FANCB: variants seen among roughly 807,000 people sequenced by gnomAD.
The protein encoded by FANCB is FA complementation group B, also known as Fanconi anemia group B protein.
A neutral mutation model predicts 38.9 loss-of-function variants in FANCB; 5 were observed. The observed-to-expected ratio is 0.13, with a 90% confidence interval of 0.07 to 0.27. FANCB has a LOEUF of 0.27. Among genes scored for constraint, FANCB ranks in the 10% least tolerant of loss-of-function variants. The pLI is 1.00. For synonymous variants in FANCB, 236 were observed against 215.4 expected (o/e 1.10, Z -0.84); for missense variants, 573 against 602.7 (o/e 0.95, Z 0.52).
the FANCB span, among the ~76,000 whole-genome samples, chrX:14,776,720 C>CA: frequency 1.8e-5 from 2 of 112,267 alleles, no homozygotes; most frequent in Non-Finnish European, 3.8e-5. Context: ...ACCACTTAAC[C>CA]AAAATAGTAA....
At chrX:14,847,790 C>A (rs1299770881) in intron 7 of FANCB, among the ~76,000 whole-genome samples, 1 of 109,830 alleles carries the variant, frequency 9.1e-6, no homozygotes, top group Non-Finnish European at 1.9e-5. Flanking sequence ...TGAAGATCAA[C>A]AAAAAATTTA....
chrX:14,866,850 C>T (rs766990183), intron 2 of FANCB, among the ~76,000 whole-genome samples: 1 of 111,257 alleles, frequency 9.0e-6, no homozygotes, highest in South Asian at 3.7e-4. Context: ...AAAGACTCCA[C>T]CAAAAAACTG....
chrX:14,731,640 C>T, the FANCB span: 1 of 111,023 alleles, frequency 9.0e-6, no homozygotes, highest in Non-Finnish European at 1.9e-5. Context: ...ACCAGAGCTA[C>T]GTGGTTTGAA....
At chrX:14,768,733 T>G in the FANCB span, among the ~76,000 whole-genome samples, 3 of 111,736 alleles carry the variant, frequency 2.7e-5, no homozygotes, top group Non-Finnish European at 5.6e-5. Flanking sequence ...ATCCTTGTTT[T>G]GTGCCGGTTC....
chrX:14,723,440 G>A, the FANCB span, among the ~76,000 whole-genome samples: 3 of 111,789 alleles, frequency 2.7e-5, no homozygotes, highest in East Asian at 8.4e-4. Context: ...TAACTTCTTG[G>A]ATTCACTTTT....
chrX:14,694,722 G>C, the FANCB span, among the ~76,000 whole-genome samples: 1 of 112,613 alleles, frequency 8.9e-6, no homozygotes, highest in South Asian at 3.6e-4. Flanking sequence ...GCCAGGCACT[G>C]TGTAAATCCT....
At chrX:14,871,776 A>G (rs2092498655) in intron 1 of FANCB, among the ~76,000 whole-genome samples, 1 of 111,161 alleles carries the variant, frequency 9.0e-6, no homozygotes, top group Non-Finnish European at 1.9e-5. Context: ...TTTACCTACA[A>G]TGACTACAGT....
At chrX:14,734,267 G>A in the FANCB span, among the ~76,000 whole-genome samples, 1 of 112,022 alleles carries the variant, frequency 8.9e-6, no homozygotes, top group Non-Finnish European at 1.9e-5. Flanking sequence ...GCCTATGTTA[G>A]AGAAACAAAA....
the FANCB span, among the ~76,000 whole-genome samples, chrX:14,788,582 CG>C: frequency 7.1e-5 from 8 of 112,093 alleles, no homozygotes. Flanking sequence ...GAGCCTAACA[CG>C]GCATCAGCTG....
the FANCB span, among the ~76,000 whole-genome samples, chrX:14,828,307 A>AT: frequency 5.4e-5 from 6 of 111,956 alleles, no homozygotes; most frequent in African/African-American, 1.6e-4. Context: ...TGCTTTCAGG[A>AT]AAGATTTCTC....
chrX:14,814,966 T>A, the FANCB span, among the ~76,000 whole-genome samples: 1 of 112,161 alleles, frequency 8.9e-6, no homozygotes, highest in Non-Finnish European at 1.9e-5. Flanking sequence ...GTGGCACATA[T>A]ATACTATGGA....
At chrX:14,732,478 GAATT>G in the FANCB span, among the ~76,000 whole-genome samples, 1 of 112,042 alleles carries the variant, frequency 8.9e-6, no homozygotes, top group Admixed American at 9.5e-5. Flanking sequence ...CACAATGGTT[GAATT>G]AATTTACACT....
chrX:14,796,431 A>AT, the FANCB span, among the ~76,000 whole-genome samples: 2 of 96,795 alleles, frequency 2.1e-5, no homozygotes, highest in Non-Finnish European at 4.1e-5. Context: ...GGTTTTATAT[A>AT]TTTTTTCCTA....
At chrX:14,731,628 G>A in the FANCB span, 6 of 110,885 alleles carry the variant, frequency 5.4e-5, no homozygotes, top group African/African-American at 2.0e-4. Context: ...TGCCTTTTTG[G>A]TACCAGAGCT....
chrX:14,857,928 A>C lies in FANCB; in HGVS notation c.1131T>G (p.Asp377Glu), dbSNP rs148882589. The C allele has an allele frequency of 4.3e-6, 5 of 1,167,332 alleles. No homozygotes were observed. In the African/African-American group the frequency reaches 7.1e-5, roughly 17 times the overall value. Residue 377 changes from aspartate (D) to glutamate (E), a missense_variant, in exon 5 of 10, where the codon GAT becomes GAG. By Grantham distance (45) the Asp-to-Glu change is conservative. Coordinates refer to ENST00000650831, the MANE Select transcript of FANCB (RefSeq NM_001018113.3). ...YSSEPSDCNEDDLFEDKQENR... is the reference protein window; with the variant it reads ...YSSEPSDCNEEDLFEDKQENR... ...TCTCTTGTTTGTCTTCAAATAAGTCATCTTCATTGCAATCTGATGGTTCAC... is the reference window on the plus strand; with the variant it reads ...TCTCTTGTTTGTCTTCAAATAAGTCCTCTTCATTGCAATCTGATGGTTCAC...
chrX:14,738,657 A>G, the FANCB span, among the ~76,000 whole-genome samples: 2 of 111,924 alleles, frequency 1.8e-5, no homozygotes, highest in Non-Finnish European at 3.8e-5. Context: ...TTCAATTCCT[A>G]CCACTTGGTT....
intron 5 of FANCB, among the ~76,000 whole-genome samples, chrX:14,854,872 G>A (rs1955147623): frequency 9.0e-6 from 1 of 111,290 alleles, no homozygotes; most frequent in Admixed American, 9.5e-5. Flanking sequence ...TAATTTCCTT[G>A]CCTGTCTTCA....
At chrX:14,730,502 C>G in the FANCB span, 5 of 1,130,154 alleles carry the variant, frequency 4.4e-6, no homozygotes, top group Admixed American at 2.3e-5. Context: ...CCTACAGACC[C>G]TGGGACCTTC....
chrX:14,772,133 T>C, the FANCB span, among the ~76,000 whole-genome samples: 1 of 111,308 alleles, frequency 9.0e-6, no homozygotes, highest in East Asian at 2.8e-4. Flanking sequence ...ATGTGCTGTG[T>C]TGGGGGCTGG....
Sources: allele counts gnomAD v4.1 joint callset (sites outside exome capture counted in the v4.1 genomes callset), GRCh38; gene constraint gnomAD v4.1.1; transcripts MANE v1.5; gene names NCBI Gene and HGNC (gene_info 2026-07-23, HGNC 2026-07-21).